Variants in PCED1B observed in about 807,000 individuals in gnomAD.
PCED1B encodes the protein PC-esterase domain-containing protein 1B.
For synonymous variants in PCED1B, 251 were observed against 246.1 expected (o/e 1.02, Z -0.19); for missense variants, 573 against 573.9 (o/e 1.00, Z 0.02).
chr12:47,154,050 G>A (rs1359219235), intron 2 of PCED1B, among the ~76,000 whole-genome samples: 1 of 152,154 alleles, frequency 6.6e-6, no homozygotes, highest in African/African-American at 2.4e-5. Context: ...CATCATTGAT[G>A]GGAGACAGTT....
Position 47,135,743 on chromosome 12 carries a change from G to A in PCED1B, c.-526+31548G>A, listed in dbSNP as rs753925428. ...GGGACCAGACGACATGGTCGGGCAC[G>A]GAGGTCTCACTGCAGATGTGGATCA... On this transcript the variant is annotated intron_variant, in intron 2 of 3. Transcript: ENST00000546455. 17 of 532,538 alleles carry A rather than the reference G, an allele frequency of 3.2e-5. No individual in the cohort carries two copies. In the East Asian group the frequency reaches 3.7e-4, roughly 12 times the overall value. The allele number at this position is 532,538 out of a possible 1,614,324, so 33.0% of individuals were successfully genotyped here. A position where few individuals can be genotyped will look rare whatever the true frequency, so the allele number is the denominator to read the frequency against.
chr12:47,092,571 G>A (rs575933702), intron 1 of PCED1B, among the ~76,000 whole-genome samples: 19 of 152,116 alleles, frequency 1.2e-4, no homozygotes, highest in African/African-American at 4.6e-4. Flanking sequence ...CTGAAATGAT[G>A]ACAGTGGTCA....
intron 2 of PCED1B, among the ~76,000 whole-genome samples, chr12:47,138,687 G>C (rs143106058): frequency 6.6e-6 from 1 of 152,076 alleles, no homozygotes; most frequent in Admixed American, 6.5e-5. Flanking sequence ...TATCTTAACT[G>C]CAATTATTAT....
At chr12:47,234,910 C>T (rs577751937) in intron 3 of PCED1B, 97 bp from the exon 4 acceptor site, 37 of 594,212 alleles carry the variant, frequency 6.2e-5, no homozygotes, top group East Asian at 1.5e-4. Context: ...GAGGCCACAG[C>T]GCCATCCCCT....
At chr12:47,108,480 G>A (rs1415507114) in intron 2 of PCED1B, among the ~76,000 whole-genome samples, 2 of 152,166 alleles carry the variant, frequency 1.3e-5, no homozygotes, top group African/African-American at 2.4e-5. Context: ...ACATCAGATT[G>A]TGTTTTTCCC....
intron 2 of PCED1B, among the ~76,000 whole-genome samples, chr12:47,129,749 A>G (rs1025214854): frequency 6.6e-5 from 10 of 152,170 alleles, no homozygotes; most frequent in Non-Finnish European, 1.2e-4. Context: ...TGGCGGAATC[A>G]CAAGGTACAA....
intron 2 of PCED1B, among the ~76,000 whole-genome samples, chr12:47,110,323 T>A (rs538505178): frequency 4.3e-4 from 66 of 152,310 alleles, no homozygotes; most frequent in African/African-American, 1.5e-3. Flanking sequence ...TAATGTGAGC[T>A]TTTGTCAACA....
At chr12:47,151,111 A>C (rs1452909617) in intron 2 of PCED1B, among the ~76,000 whole-genome samples, 1 of 141,586 alleles carries the variant, frequency 7.1e-6, no homozygotes, top group Admixed American at 7.6e-5. Context: ...ATTATTTTAT[A>C]TATATATACT....
intron 2 of PCED1B, among the ~76,000 whole-genome samples, chr12:47,119,898 C>T (rs560007786): frequency 3.3e-5 from 5 of 151,410 alleles, no homozygotes; most frequent in Non-Finnish European, 4.4e-5. Flanking sequence ...ACCCAGGGGG[C>T]GGAGGTTACA....
chr12:47,220,847 C>T (rs1943455184), intron 3 of PCED1B, among the ~76,000 whole-genome samples: 1 of 151,980 alleles, frequency 6.6e-6, no homozygotes, highest in African/African-American at 2.4e-5. Flanking sequence ...AATGAAGGAG[C>T]AGAATTTCAG....
At chr12:47,155,275 C>G (rs1941154863) in intron 2 of PCED1B, among the ~76,000 whole-genome samples, 1 of 152,166 alleles carries the variant, frequency 6.6e-6, no homozygotes, top group Admixed American at 6.5e-5. Flanking sequence ...AAGATTTTCT[C>G]CATTGTAAGA....
chr12:47,129,660 A>G (rs868732439), intron 2 of PCED1B, among the ~76,000 whole-genome samples: 2 of 152,146 alleles, frequency 1.3e-5, no homozygotes, highest in Admixed American at 6.5e-5. Context: ...ATGCCAGGTT[A>G]TATAAATACC....
intron 2 of PCED1B, among the ~76,000 whole-genome samples, chr12:47,198,048 G>T (rs1463405958): frequency 6.6e-6 from 1 of 152,124 alleles, no homozygotes; most frequent in Admixed American, 6.5e-5. Context: ...ATTCTATGAG[G>T]CCAGCATTAA....
intron 2 of PCED1B, among the ~76,000 whole-genome samples, chr12:47,181,593 C>T (rs996827425): frequency 5.3e-5 from 8 of 151,920 alleles, no homozygotes; most frequent in African/African-American, 1.5e-4. Flanking sequence ...TCTTGAACTC[C>T]CAACCTCAGG....
chr12:47,182,784 C>G (rs1942136403), intron 2 of PCED1B, among the ~76,000 whole-genome samples: 1 of 152,142 alleles, frequency 6.6e-6, no homozygotes, highest in African/African-American at 2.4e-5. Context: ...AACTTGAACT[C>G]AGGCTGACTC....
chr12:47,113,011 C>T (rs1289363044), intron 2 of PCED1B, among the ~76,000 whole-genome samples: 1 of 152,170 alleles, frequency 6.6e-6, no homozygotes, highest in East Asian at 1.9e-4. Flanking sequence ...TTTGCCTTTA[C>T]AATCTATTAC....
At chr12:47,133,483 G>A (rs1940218219) in intron 2 of PCED1B, among the ~76,000 whole-genome samples, 1 of 152,180 alleles carries the variant, frequency 6.6e-6, no homozygotes, top group Admixed American at 6.5e-5. Context: ...GAGCAAGGTA[G>A]GGATGGGGGG....
intron 3 of PCED1B, among the ~76,000 whole-genome samples, chr12:47,224,883 T>C (rs1481080993): frequency 1.3e-5 from 2 of 152,194 alleles, no homozygotes; most frequent in Non-Finnish European, 2.9e-5. Context: ...GGTAGGTGAT[T>C]CGAATCAGTT....
chr12:47,084,390 G>A (rs1264160537), intron 1 of PCED1B, among the ~76,000 whole-genome samples: 1 of 152,144 alleles, frequency 6.6e-6, no homozygotes, highest in Non-Finnish European at 1.5e-5. Context: ...AAGGCAAACT[G>A]AACCATCATA....
Sources: allele counts gnomAD v4.1 joint callset (sites outside exome capture counted in the v4.1 genomes callset), GRCh38; gene constraint gnomAD v4.1.1; transcripts MANE v1.5; gene names NCBI Gene and HGNC (gene_info 2026-07-23, HGNC 2026-07-21).